NR6A1: variants seen among roughly 807,000 people sequenced by gnomAD.
NR6A1 encodes the protein retinoic acid receptor-related testis-associated receptor.
Under a neutral mutation model 59.1 loss-of-function variants are expected in NR6A1, and 7 were observed. The observed-to-expected ratio is 0.12, with a 90% CI of 0.07 to 0.22. NR6A1 has a LOEUF of 0.22. Ranked by LOEUF, NR6A1 falls within the 10% of genes least tolerant of loss-of-function variation. The pLI is 1.00. For synonymous variants in NR6A1, 243 were observed against 236.1 expected (o/e 1.03, Z -0.27); for missense variants, 468 against 611.6 (o/e 0.77, Z 2.48).
intron 1 of NR6A1, among the ~76,000 whole-genome samples, chr9:124,769,668 C>A (rs1225778188): frequency 6.6e-6 from 1 of 152,188 alleles, no homozygotes. Context: ...GAGTTTATGG[C>A]GCAGCGAGGG....
intron 1 of NR6A1, among the ~76,000 whole-genome samples, chr9:124,768,760 G>A (rs1275064921): frequency 6.6e-6 from 1 of 152,182 alleles, no homozygotes; most frequent in Non-Finnish European, 1.5e-5. Context: ...ATGTACTAAT[G>A]AATAATTAAT....
intron 2 of NR6A1, among the ~76,000 whole-genome samples, chr9:124,709,752 G>A (rs1001577650): frequency 2.0e-5 from 3 of 151,924 alleles, no homozygotes; most frequent in East Asian, 1.9e-4. Flanking sequence ...TGACCAACAC[G>A]GTGAAACCCT....
In NR6A1 at chr9:124,630,395, AT is replaced by A. The variant is rs879564584; in HGVS notation, c.143-75826del. On this transcript the variant is annotated intron_variant, in intron 2 of 9. Coordinates refer to ENST00000487099, the MANE Select transcript of NR6A1 (RefSeq NM_033334.4). ...AGGCGCATGACACCACGCCTGGCTA[AT>A]TTTTTTTTTTTTGTATTTTTAGTAG... Among the ~76,000 whole-genome samples the A allele has an allele frequency of 4.5e-3, 639 of 141,868 alleles. 1 individual carries two copies. Among genetic ancestry groups the A allele is most frequent in the Non-Finnish European group, 5.9e-3 (380 of 64,434 alleles). 93.1% of individuals were successfully genotyped at this position (141,868 alleles called of 152,430 possible).
At chr9:124,561,641 G>T (rs1297121789) in intron 2 of NR6A1, among the ~76,000 whole-genome samples, 5 of 152,140 alleles carry the variant, frequency 3.3e-5, no homozygotes, top group Admixed American at 2.6e-4. Context: ...GTGGGACACG[G>T]TGGTTCACAC....
At chr9:124,579,048 G>A (rs887999075) in intron 2 of NR6A1, among the ~76,000 whole-genome samples, 4 of 152,238 alleles carry the variant, frequency 2.6e-5, no homozygotes, top group Non-Finnish European at 4.4e-5. Flanking sequence ...TTGGGAGTCT[G>A]AGACAGGTGG....
intron 2 of NR6A1, among the ~76,000 whole-genome samples, chr9:124,726,755 C>T (rs1013872476): frequency 2.6e-5 from 4 of 152,172 alleles, no homozygotes; most frequent in African/African-American, 9.7e-5. Flanking sequence ...ACACTAAAGC[C>T]TAGTTGAGAA....
chr9:124,727,161 C>T (rs182871827), intron 2 of NR6A1, among the ~76,000 whole-genome samples: 141 of 152,238 alleles, frequency 9.3e-4, no homozygotes, highest in Admixed American at 4.1e-3. Flanking sequence ...CTCTTTTTTG[C>T]ACTGCAAAAC....
At chr9:124,636,102 C>G (rs1836602931) in intron 2 of NR6A1, among the ~76,000 whole-genome samples, 1 of 152,228 alleles carries the variant, frequency 6.6e-6, no homozygotes, top group Non-Finnish European at 1.5e-5. Context: ...TCCCTGATGA[C>G]ATATGACATG....
intron 2 of NR6A1, among the ~76,000 whole-genome samples, chr9:124,596,043 C>T (rs950153733): frequency 1.3e-5 from 2 of 152,198 alleles, no homozygotes; most frequent in African/African-American, 2.4e-5. Context: ...CTGCCTAGCA[C>T]GTCTTTCTGA....
intron 1 of NR6A1, among the ~76,000 whole-genome samples, chr9:124,747,766 C>A (rs939960717): frequency 6.6e-6 from 1 of 152,116 alleles, no homozygotes; most frequent in Non-Finnish European, 1.5e-5. Flanking sequence ...ACAGTCCCCT[C>A]GAATAATATA....
chr9:124,770,332 G>C (rs1841095200), intron 1 of NR6A1: 1 of 152,416 alleles, frequency 6.6e-6, no homozygotes, highest in African/African-American at 2.4e-5. Context: ...AGCAGGAGGC[G>C]CGAAGGGGTC....
intron 4 of NR6A1, among the ~76,000 whole-genome samples, chr9:124,541,528 T>C (rs1833446709): frequency 1.3e-5 from 2 of 151,806 alleles, no homozygotes; most frequent in South Asian, 2.1e-4. Context: ...GTCCAGAAAA[T>C]AACAAGTGCT....
chr9:124,625,205 G>A (rs982744951), intron 2 of NR6A1, among the ~76,000 whole-genome samples: 6 of 152,164 alleles, frequency 3.9e-5, no homozygotes, highest in African/African-American at 1.4e-4. Context: ...GCAAGTCTCC[G>A]AATCTGTCTA....
intron 2 of NR6A1, among the ~76,000 whole-genome samples, chr9:124,620,771 C>T (rs1305591763): frequency 6.8e-6 from 1 of 146,604 alleles, no homozygotes; most frequent in Non-Finnish European, 1.5e-5. Context: ...CTCAACTGTA[C>T]AGAGTAAATT....
chr9:124,626,643 C>T (rs900413217), intron 2 of NR6A1, among the ~76,000 whole-genome samples: 3 of 152,110 alleles, frequency 2.0e-5, no homozygotes, highest in Admixed American at 1.3e-4. Flanking sequence ...CCTAATAATA[C>T]TGGAGCTTCA....
At chr9:124,673,510 G>A (rs1424681163) in intron 2 of NR6A1, among the ~76,000 whole-genome samples, 2 of 152,068 alleles carry the variant, frequency 1.3e-5, no homozygotes, top group Non-Finnish European at 2.9e-5. Context: ...ACCTGGGTAC[G>A]GTGGCATGTG....
intron 2 of NR6A1, among the ~76,000 whole-genome samples, chr9:124,705,486 A>G: frequency 6.6e-6 from 1 of 152,156 alleles, no homozygotes; most frequent in Admixed American, 6.6e-5. Flanking sequence ...TCTGACATTA[A>G]TATAGTTACT....
At chr9:124,655,773 A>G (rs1837239526) in intron 2 of NR6A1, among the ~76,000 whole-genome samples, 3 of 152,230 alleles carry the variant, frequency 2.0e-5, no homozygotes, top group Admixed American at 2.0e-4. Flanking sequence ...CTTACAACTT[A>G]TAAAGTGAAA....
intron 2 of NR6A1, among the ~76,000 whole-genome samples, chr9:124,678,944 G>A (rs1290855563): frequency 6.6e-6 from 1 of 152,054 alleles, no homozygotes; most frequent in Non-Finnish European, 1.5e-5. Flanking sequence ...AGCTGGCCCC[G>A]GTGGTTCGTG....
Sources: allele counts gnomAD v4.1 joint callset (sites outside exome capture counted in the v4.1 genomes callset), GRCh38; gene constraint gnomAD v4.1.1; transcripts MANE v1.5; gene names NCBI Gene and HGNC (gene_info 2026-07-23, HGNC 2026-07-21).